VPS50: variants seen among roughly 807,000 people sequenced by gnomAD.
VPS50 encodes the protein syndetin.
In VPS50, 70 loss-of-function variants were observed where a neutral mutation model predicts 139.7. That is an observed-to-expected ratio of 0.50 (90% CI 0.41 to 0.61). VPS50 has a LOEUF of 0.61. Ranked by LOEUF, VPS50 falls within the 20% of genes least tolerant of loss-of-function variation. VPS50 has a pLI of 0.00. For missense variants in VPS50, 921 were observed against 1,133.7 expected (o/e 0.81, Z 2.69); for synonymous variants, 365 against 376.7 (o/e 0.97, Z 0.36).
At chr7:93,235,370 G>A (rs1395005168) in intron 1 of VPS50, among the ~76,000 whole-genome samples, 1 of 152,122 alleles carries the variant, frequency 6.6e-6, no homozygotes, top group African/African-American at 2.4e-5. Flanking sequence ...GGCAAATAGA[G>A]GAATGATATA....
intron 25 of VPS50, among the ~76,000 whole-genome samples, chr7:93,352,735 AT>A (rs1364348845): frequency 6.6e-6 from 1 of 152,188 alleles, no homozygotes; most frequent in Non-Finnish European, 1.5e-5. Flanking sequence ...TTTCCGTCTA[AT>A]TATTGGAGTT....
chr7:93,286,130 A>C (rs899794770), intron 12 of VPS50, among the ~76,000 whole-genome samples: 1 of 152,188 alleles, frequency 6.6e-6, no homozygotes, highest in Non-Finnish European at 1.5e-5. Flanking sequence ...GAAGAGTAGC[A>C]GTGGAAAATA....
At chr7:93,342,464 G>T (rs10237142) in intron 23 of VPS50, among the ~76,000 whole-genome samples, 74,264 of 151,760 alleles carry the variant, frequency 0.49, 20,148 homozygotes, top group African/African-American at 0.73. Flanking sequence ...CTCGAACTAG[G>T]TGGAGCCCAC....
intron 25 of VPS50, among the ~76,000 whole-genome samples, chr7:93,353,187 G>T (rs1250300362): frequency 6.6e-6 from 1 of 152,132 alleles, no homozygotes; most frequent in African/African-American, 2.4e-5. Flanking sequence ...TAGGAAAAGT[G>T]ATAATTTATT....
chr7:93,232,593 T>A (rs1001722576), intron 1 of VPS50, 93 bp downstream of exon 1: 1 of 1,147,242 alleles, frequency 8.7e-7, no homozygotes, highest in Non-Finnish European at 1.3e-6. Flanking sequence ...GGCGGGGATC[T>A]AAGTTATGGG....
chr7:93,238,223 A>T (rs1408966863), intron 1 of VPS50, among the ~76,000 whole-genome samples: 1 of 152,034 alleles, frequency 6.6e-6, no homozygotes, highest in Non-Finnish European at 1.5e-5. Flanking sequence ...GACAGGGAAG[A>T]ACAAACCGCC....
chr7:93,330,551 C>T lies in VPS50; in HGVS notation c.1978-3566C>T, dbSNP rs187521150. Among the ~76,000 whole-genome samples, 312 of 152,020 alleles carry T rather than the reference C, an allele frequency of 2.1e-3. 1 individual carries two copies. The highest frequency in any genetic ancestry group is 1.4e-3 in the Non-Finnish European group (97 of 67,958). On this transcript the variant is annotated intron_variant, in intron 21 of 27. Transcript: ENST00000305866. ...GAAGGGTCACTTGAGCCCAGAAGTT[C>T]GAGACCGGACTGGAAAATATGGTGA...
chr7:93,288,284 G>A (rs944345788), intron 12 of VPS50, among the ~76,000 whole-genome samples: 3 of 152,070 alleles, frequency 2.0e-5, no homozygotes, highest in Non-Finnish European at 2.9e-5. Context: ...TAAGGGTAGC[G>A]ATTATAGAAG....
At position 93,291,741 on chromosome 7, in the gene VPS50, C is replaced by A; in HGVS notation, c.981C>A (p.Asp327Glu). 1 of 1,589,734 alleles carries A rather than the reference C, an allele frequency of 6.3e-7. No individual in the cohort carries two copies. The highest frequency in any genetic ancestry group is 8.6e-7 in the Non-Finnish European group (1 of 1,162,884). ...ACAGCTATATTCCATGCCTTGCAGACCTGTGCAAAGCACTATGGGAAGTTA... is the reference window on the plus strand; with the variant it reads ...ACAGCTATATTCCATGCCTTGCAGAACTGTGCAAAGCACTATGGGAAGTTA... The part of the protein sequence containing the change: ...TPDSYIPCLA[D>E]LCKALWEVML... Residue 327 changes from aspartate to glutamate, a missense_variant, in exon 13 of 28, where the codon GAC (aspartate) becomes GAA (glutamate). By Grantham distance (45) the Asp-to-Glu change is conservative. Transcript: ENST00000305866.
chr7:93,292,633 T>C (rs192698419), intron 13 of VPS50, among the ~76,000 whole-genome samples: 3 of 152,210 alleles, frequency 2.0e-5, no homozygotes, highest in Non-Finnish European at 4.4e-5. Flanking sequence ...TTTAATAAAC[T>C]TCCAGTTTCT....
At chr7:93,308,107 A>G (rs900660168) in intron 18 of VPS50, among the ~76,000 whole-genome samples, 4 of 142,812 alleles carry the variant, frequency 2.8e-5, no homozygotes, top group South Asian at 2.1e-4. Flanking sequence ...GTATTAATCT[A>G]TGACATTAAT....
chr7:93,261,400 G>A (rs547656897), intron 9 of VPS50, among the ~76,000 whole-genome samples: 432 of 152,234 alleles, frequency 2.8e-3, no homozygotes, highest in Non-Finnish European at 4.7e-3. Context: ...GCTGTAGGCC[G>A]GGCGCGGTGG....
intron 2 of VPS50, among the ~76,000 whole-genome samples, chr7:93,240,731 G>T (rs548305562): frequency 6.6e-6 from 1 of 152,266 alleles, no homozygotes; most frequent in East Asian, 1.9e-4. Flanking sequence ...TGAATACACA[G>T]GGTGTGCTTC....
intron 9 of VPS50, among the ~76,000 whole-genome samples, chr7:93,264,729 T>C (rs1006287057): frequency 2.0e-5 from 3 of 152,230 alleles, no homozygotes; most frequent in African/African-American, 7.2e-5. Context: ...TGGGAACTTT[T>C]CTTCCCCTAT....
intron 21 of VPS50, among the ~76,000 whole-genome samples, chr7:93,323,941 A>C (rs571012044): frequency 6.6e-6 from 1 of 152,274 alleles, no homozygotes; most frequent in African/African-American, 2.4e-5. Context: ...AACACATTCA[A>C]ATTTTTGGCA....
chr7:93,348,727 CAGTTTG>C lies in VPS50; in HGVS notation c.2229_2234del (p.Glu744_Phe745del). The C allele has an allele frequency of 6.2e-7, 1 of 1,611,328 alleles. No individual in the cohort carries two copies. On this transcript the variant is annotated inframe_deletion, in exon 24 of 28. Coordinates refer to ENST00000305866, the MANE Select transcript of VPS50 (RefSeq NM_017667.4). ...TCCCTTTAGGGTATTCTTGGCTGAA[CAGTTTG>C]AGTTCCTTCAGCCACATCTGGATGC...
At chr7:93,300,292 C>T (rs1796940586) in intron 16 of VPS50, among the ~76,000 whole-genome samples, 1 of 152,004 alleles carries the variant, frequency 6.6e-6, no homozygotes, top group African/African-American at 2.4e-5. Flanking sequence ...GAAAACAATA[C>T]CAATACAACT....
chr7:93,356,226 T>A (rs1798703311), intron 27 of VPS50, 146 bp downstream of exon 27: 1 of 431,276 alleles, frequency 2.3e-6, no homozygotes, highest in Admixed American at 4.0e-5. Flanking sequence ...GTCAATTCTT[T>A]GCCTTATTCA....
intron 9 of VPS50, 173 bp from the exon 10 acceptor site, chr7:93,271,047 C>T: frequency 2.0e-6 from 2 of 1,002,090 alleles, no homozygotes; most frequent in South Asian, 2.8e-5. Context: ...ACTCTTATTC[C>T]CTTCTAATAC....
Sources: allele counts gnomAD v4.1 joint callset (sites outside exome capture counted in the v4.1 genomes callset), GRCh38; gene constraint gnomAD v4.1.1; transcripts MANE v1.5; gene names NCBI Gene and HGNC (gene_info 2026-07-23, HGNC 2026-07-21).